RUFY2: variants seen among roughly 807,000 people sequenced by gnomAD.
RUFY2 encodes the protein RUN and FYVE domain containing 2.
In RUFY2, 49 loss-of-function variants were observed where a neutral mutation model predicts 94.4. The observed-to-expected ratio is 0.52, with a 90% CI of 0.41 to 0.66. RUFY2 has a LOEUF of 0.66. Among genes scored for constraint, RUFY2 ranks in the 30% least tolerant of loss-of-function variants. RUFY2 has a pLI of 0.00. For missense variants in RUFY2, 541 were observed against 692.8 expected (o/e 0.78, Z 2.46); for synonymous variants, 255 against 235.7 (o/e 1.08, Z -0.75).
chr10:68,398,350 C>T (rs1441701296), intron 3 of RUFY2, among the ~76,000 whole-genome samples: 1 of 151,978 alleles, frequency 6.6e-6, no homozygotes, highest in Admixed American at 6.6e-5. Flanking sequence ...CAAGTTCTAT[C>T]TGTTATTAAA....
intron 13 of RUFY2, among the ~76,000 whole-genome samples, chr10:68,376,631 A>G (rs2048699268): frequency 6.6e-6 from 1 of 150,952 alleles, no homozygotes; most frequent in South Asian, 2.1e-4. Flanking sequence ...GAGCAAGAAG[A>G]CAGCAAAACA....
At chr10:68,341,891 T>A, downstream of RUFY2, 2 of 1,587,900 alleles carry the variant, frequency 1.3e-6, no homozygotes, top group Non-Finnish European at 1.7e-6. Flanking sequence ...TCCGCATATG[T>A]AGTGCAAACT....
chr10:68,402,837 ATCTTTTT>A (rs2050953795), intron 2 of RUFY2, among the ~76,000 whole-genome samples: 1 of 141,054 alleles, frequency 7.1e-6, no homozygotes, highest in Non-Finnish European at 1.5e-5. Context: ...TCCAAGCCAT[ATCTTTTT>A]TTTTTTTTTT....
intron 13 of RUFY2, among the ~76,000 whole-genome samples, chr10:68,368,734 A>C (rs2048042201): frequency 6.6e-6 from 1 of 152,196 alleles, no homozygotes; most frequent in Non-Finnish European, 1.5e-5. Flanking sequence ...CCAGGAATCA[A>C]AGAACAACAT....
At chr10:68,368,976 C>G (rs79919650) in intron 13 of RUFY2, among the ~76,000 whole-genome samples, 4,322 of 152,190 alleles carry the variant, frequency 0.028, 209 homozygotes, top group African/African-American at 0.098. Context: ...CAACAAACCT[C>G]AGTCAGCAAA....
chr10:68,351,424 C>A (rs1210641857), intron 16 of RUFY2, among the ~76,000 whole-genome samples: 3 of 149,470 alleles, frequency 2.0e-5, no homozygotes, highest in Non-Finnish European at 4.4e-5. Context: ...GCGTGAGCCA[C>A]CACGCCCAAC....
chr10:68,386,211 A>G, intron 7 of RUFY2, 83 bp from the exon 8 acceptor site: 2 of 1,114,460 alleles, frequency 1.8e-6, no homozygotes, highest in Non-Finnish European at 2.6e-6. Flanking sequence ...TAGATTTACT[A>G]TGTTTACTGA....
Position 68,393,198 on chromosome 10 carries a change from A to G in RUFY2, c.590T>C (p.Val197Ala). 2 of 1,555,000 alleles carry G rather than the reference A, an allele frequency of 1.3e-6. No individual in the cohort carries two copies. The highest frequency in any genetic ancestry group is 1.2e-5 in the South Asian group (1 of 86,084). ...TTGGTCTAATATGGCAGCAATTTGA[A>G]CATTCCTAAATGAGGAAAAAAGTAG... ...EEDIGNKERN[V>A]QIAAILDQKN... Residue 197 changes from valine to alanine, a missense_variant, in exon 7 of 18, where the codon GTT becomes GCT. Around this residue, in one of 3 missense-constraint regions of RUFY2, gnomAD observed 403 missense variants for 480.7 expected, o/e 0.84. Transcript: ENST00000602465.
chr10:68,368,753 G>C (rs557682417), intron 13 of RUFY2, among the ~76,000 whole-genome samples: 1 of 152,260 alleles, frequency 6.6e-6, no homozygotes, highest in Admixed American at 6.5e-5. Flanking sequence ...ATGGTGATGA[G>C]TTACCTCAGG....
chr10:68,405,836 A>T, intron 1 of RUFY2: 1 of 337,926 alleles, frequency 3.0e-6, no homozygotes, highest in Non-Finnish European at 4.2e-6. Flanking sequence ...CACACAGTTG[A>T]GGATGCCCAC....
At chr10:68,383,716 G>C (rs1383745976) in intron 10 of RUFY2, 82 bp downstream of exon 10, 1 of 1,008,164 alleles carries the variant, frequency 9.9e-7, no homozygotes, top group Non-Finnish European at 1.6e-6. Flanking sequence ...GGATAAGGCT[G>C]AAAAAGATTT....
chr10:68,387,411 C>A (rs1005810364), intron 7 of RUFY2, among the ~76,000 whole-genome samples: 1 of 152,080 alleles, frequency 6.6e-6, no homozygotes, highest in Non-Finnish European at 1.5e-5. Flanking sequence ...TCAAAACCTT[C>A]TCTAATAAAA....
chr10:68,367,931 T>G lies in RUFY2; in HGVS notation c.1326-3818A>C, dbSNP rs1157911172. ...TTGGCTTTGGGAGTGGATTTCAATT[T>G]CACAGTTTTCACAATGTAGAAATAA... On this transcript the variant is annotated intron_variant, in intron 13 of 17. Coordinates refer to ENST00000602465, the MANE Select transcript of RUFY2 (RefSeq NM_001330103.2). Among the ~76,000 whole-genome samples the G allele has an allele frequency of 2.0e-5, 3 of 151,690 alleles. No individual in the cohort carries two copies. In the East Asian group the frequency reaches 5.8e-4, roughly 29 times the overall value.
At chr10:68,379,924 C>T (rs1323021151) in intron 11 of RUFY2, among the ~76,000 whole-genome samples, 4 of 151,830 alleles carry the variant, frequency 2.6e-5, no homozygotes, top group Non-Finnish European at 5.9e-5. Context: ...TCTCCTGCCT[C>T]AGCCTCCCAA....
At chr10:68,346,172 A>AATAG in intron 16 of RUFY2, 88 bp from the exon 17 acceptor site, 1 of 906,502 alleles carries the variant, frequency 1.1e-6, no homozygotes, top group East Asian at 2.6e-5. Context: ...TATTTATAGG[A>AATAG]ATAGATATAT....
Position 68,346,239 on chromosome 10 carries a change from T to C in RUFY2, c.1600-155A>G, listed in dbSNP as rs180916557. 18 of 623,264 alleles carry C rather than the reference T, an allele frequency of 2.9e-5. No homozygotes were observed. The Admixed American group carries it at 5.1e-4, about 18-fold the overall frequency. 38.6% of individuals were successfully genotyped at this position (623,264 alleles called of 1,614,324 possible). Reference sequence around the variant, plus strand: ...AGATGTATATATATGTAAATATGTATGGAATTAGCCTCAAAATATTCTGGG... The same window carrying C: ...AGATGTATATATATGTAAATATGTACGGAATTAGCCTCAAAATATTCTGGG... On this transcript the variant is annotated intron_variant, in intron 16 of 17. Coordinates refer to ENST00000602465, the MANE Select transcript of RUFY2 (RefSeq NM_001330103.2).
chr10:68,369,085 C>A (rs546790231), intron 13 of RUFY2, among the ~76,000 whole-genome samples: 11 of 152,302 alleles, frequency 7.2e-5, no homozygotes, highest in African/African-American at 2.4e-4. Flanking sequence ...CAAGTGGGAG[C>A]CTGAACCTTC....
intron 4 of RUFY2, among the ~76,000 whole-genome samples, chr10:68,394,943 T>C (rs1395408102): frequency 2.6e-5 from 4 of 152,012 alleles, no homozygotes; most frequent in Non-Finnish European, 4.4e-5. Flanking sequence ...TTTCATATTT[T>C]TTAAATTTAA....
In RUFY2 at chr10:68,383,616, T is replaced by C. The variant is rs948051363; in HGVS notation, c.939+182A>G. Among the ~76,000 whole-genome samples the C allele has an allele frequency of 2.0e-5, 3 of 152,166 alleles. No homozygotes were observed. In the South Asian group the frequency reaches 6.2e-4, roughly 31 times the overall value. ...GCCTGGGCCACAGAGTGAGAATCTG[T>C]CTCAAAACAACAATAAAACATTGAT... On this transcript the variant is annotated intron_variant, in intron 10 of 17. Transcript: ENST00000602465.
Sources: allele counts gnomAD v4.1 joint callset (sites outside exome capture counted in the v4.1 genomes callset), GRCh38; gene constraint gnomAD v4.1.1; regional missense constraint gnomAD v4.1.1; transcripts MANE v1.5; gene names NCBI Gene and HGNC (gene_info 2026-07-23, HGNC 2026-07-21).